The following COMMD5 variants were observed in gnomAD, a reference collection of about 807,000 sequenced individuals.
The protein encoded by COMMD5 is COMM domain containing 5.
A neutral mutation model predicts 6.9 loss-of-function variants in COMMD5; 10 were observed. The observed-to-expected ratio is 1.44, with a 90% CI of 0.89 to 2.45. COMMD5 has a LOEUF of 2.45. Ranked by LOEUF, COMMD5 falls within the 30% of genes most tolerant of loss-of-function variation. The pLI, the probability that COMMD5 is intolerant of heterozygous loss-of-function variation, is 0.00. For missense variants in COMMD5, 234 were observed against 287.8 expected (o/e 0.81, Z 1.35); for synonymous variants, 127 against 125.3 (o/e 1.01, Z -0.09).
downstream of COMMD5, among the ~76,000 whole-genome samples, chr8:144,839,748 T>A (rs1586824884): frequency 1.3e-5 from 2 of 152,196 alleles, no homozygotes; most frequent in South Asian, 4.1e-4. Flanking sequence ...CCAGATATGT[T>A]ACTTGTCCCC....
chr8:144,849,475 C>A (rs116631169), downstream of COMMD5, among the ~76,000 whole-genome samples: 3,863 of 152,134 alleles, frequency 0.025, 166 homozygotes, highest in African/African-American at 0.089. Context: ...GAGGAGACAA[C>A]CCAAAAACTG....
chr8:144,841,424 G>A (rs1026681178), exon 2 of COMMD5: 1 of 1,614,148 alleles, frequency 6.2e-7, no homozygotes, highest in Non-Finnish European at 8.5e-7. Flanking sequence ...GAATCCTATG[G>A]GACAGTGGTC....
upstream of COMMD5, chr8:144,853,071 C>T (rs1184338846): frequency 6.6e-6 from 1 of 152,266 alleles, no homozygotes; most frequent in Admixed American, 6.5e-5. Flanking sequence ...ACTTCCGGGC[C>T]GCTCTAGGAA....
chr8:144,843,462 C>T (rs899770197), intron 1 of COMMD5: 1 of 214,540 alleles, frequency 4.7e-6, no homozygotes, highest in Non-Finnish European at 9.2e-6. Context: ...GTGGCAGGCA[C>T]CTGTGGTCCC....
intron 1 of COMMD5, chr8:144,852,564 C>G (rs1830795123): frequency 6.6e-6 from 1 of 152,400 alleles, no homozygotes; most frequent in Admixed American, 6.5e-5. Context: ...CACGGCGCCC[C>G]ATTCTCCCTG....
chr8:144,847,851 G>T (rs1041250636), downstream of COMMD5, among the ~76,000 whole-genome samples: 2 of 152,198 alleles, frequency 1.3e-5, no homozygotes, highest in Admixed American at 1.3e-4. Flanking sequence ...CTCTGTGCAA[G>T]GCCTTGTGCA....
At position 144,851,373 on chromosome 8, in the gene COMMD5, A is replaced by C. The variant is rs1390456345; in HGVS notation, c.-35T>G. 2 of 1,576,070 alleles carry C rather than the reference A, an allele frequency of 1.3e-6. No individual in the cohort carries two copies. Among genetic ancestry groups the C allele is most frequent in the African/African-American group, 2.7e-5 (2 of 74,204 alleles). ...TTCCTCTTTGATCAGCCAGCCCAGG[A>C]GGTCGGTCCCAGATGCAGATGCCTA... On this transcript the variant is annotated 5_prime_UTR_variant, in exon 2 of 2. Transcript: ENST00000305103.
rs150065620 is a variant in COMMD5 at position 144,850,830 on chromosome 8, C to T, written c.509G>A (p.Arg170His). The change falls in exon 2 of 2, where the codon CGC becomes CAC. Residue 170 changes from arginine (R) to histidine (H), a missense_variant. Physicochemically the swap from Arg to His is conservative, Grantham distance 29 (BLOSUM62 0). Coordinates refer to ENST00000305103, the MANE Select transcript of COMMD5 (RefSeq NM_014066.4). The surrounding 1 kb of genome is among the most constrained non-coding windows in gnomAD (Gnocchi z 4.0). ...DVAISTSALA[R>H]SLQPSVLMQL... is the part of the protein sequence containing the mutation. ...CATCAGGACGCTCGGCTGCAGGGAG[C>T]GAGCCAGGGCACTGGTGGAGATTGC... 62 of 1,613,680 alleles carry T rather than the reference C, an allele frequency of 3.8e-5. No individual in the cohort carries two copies. The highest frequency in any genetic ancestry group is 4.5e-5 in the Non-Finnish European group (53 of 1,180,016).
chr8:144,842,977 C>T lies in COMMD5; in HGVS notation c.*117-1234G>A, dbSNP rs138064022. ...CCTGGAAGGGTCCACCTTTGTGAGC[C>T]GTAAAAAGGTTAATACTATAAAGAA... On this transcript the variant is annotated intron_variant and NMD_transcript_variant, in intron 1 of 1. Transcript: ENST00000530332. 7.6e-5 allele frequency: 122 copies of T among 1,613,948 alleles called. No individual in the cohort carries two copies. Among genetic ancestry groups the T allele is most frequent in the Admixed American group, 1.2e-4 (7 of 59,992 alleles).
At chr8:144,846,566 T>C, downstream of COMMD5, 1 of 189,378 alleles carries the variant, frequency 5.3e-6, no homozygotes, top group Admixed American at 5.3e-5. Flanking sequence ...TTATTTTTCC[T>C]CTCAGCCCTT....
Position 144,850,937 on chromosome 8 carries a change from C to G in COMMD5, c.402G>C (p.Gln134His). 1 of 1,608,194 alleles carries G rather than the reference C, an allele frequency of 6.2e-7. No homozygotes were observed. ...GDLASVVFGS[Q>H]RPLLDSVAQQ... ...GGGCCACAGAATCAAGGAGGGGCCG[C>G]TGGCTCCCAAATACCACGCTGGCCA... is the stretch of plus-strand genomic sequence containing the variant. Residue 134 changes from glutamine to histidine, a missense_variant, in exon 2 of 2, where the codon CAG becomes CAC. Physicochemically the swap from Gln to His is conservative, Grantham distance 24. Transcript: ENST00000305103. The surrounding 1 kb of genome is among the most constrained non-coding windows in gnomAD (Gnocchi z 4.0).
At chr8:144,838,149 T>A, downstream of COMMD5, 3 of 702,982 alleles carry the variant, frequency 4.3e-6, no homozygotes, top group East Asian at 8.0e-5. Context: ...GGCTTGTGGA[T>A]GCGTCCCTCA....
exon 2 of COMMD5, chr8:144,841,172 A>G: frequency 1.5e-6 from 1 of 654,676 alleles, no homozygotes; most frequent in East Asian, 2.6e-5. Flanking sequence ...ACAAGGTAAA[A>G]AGTATGAAAC....
At chr8:144,841,334 C>T (rs765378544) in exon 2 of COMMD5, 1 of 1,586,320 alleles carries the variant, frequency 6.3e-7, no homozygotes, top group Non-Finnish European at 8.6e-7. Context: ...TAAGGAACGT[C>T]TTTGTTCCTG....
chr8:144,842,410 C>T, intron 1 of COMMD5: 1 of 1,614,090 alleles, frequency 6.2e-7, no homozygotes, highest in Non-Finnish European at 8.5e-7. Flanking sequence ...TCAGCTGATT[C>T]ACACTGGAGA....
Position 144,851,377 on chromosome 8 carries a change from C to G in COMMD5, c.-39G>C. On this transcript the variant is annotated 5_prime_UTR_variant, in exon 2 of 2. Coordinates refer to ENST00000305103, the MANE Select transcript of COMMD5 (RefSeq NM_014066.4). ...TCTTTGATCAGCCAGCCCAGGAGGT[C>G]GGTCCCAGATGCAGATGCCTAGAGT... The G allele has an allele frequency of 6.4e-7, 1 of 1,572,636 alleles. No homozygotes were observed. Among genetic ancestry groups the G allele is most frequent in the Non-Finnish European group, 8.6e-7 (1 of 1,156,312 alleles).
downstream of COMMD5, chr8:144,838,261 A>G: frequency 3.2e-6 from 2 of 624,988 alleles, no homozygotes; most frequent in South Asian, 3.6e-5. Flanking sequence ...GTTAGGGGCC[A>G]CCCCAGTGAC....
downstream of COMMD5, chr8:144,846,250 G>C (rs1830506375): frequency 1.4e-6 from 2 of 1,442,408 alleles, no homozygotes; most frequent in Middle Eastern, 1.8e-4. Flanking sequence ...AAAGGGGCTG[G>C]GGTGCAAGCT....
downstream of COMMD5, chr8:144,846,465 TG>T (rs1830516532): frequency 3.1e-6 from 1 of 318,758 alleles, no homozygotes; most frequent in Admixed American, 4.3e-5. Flanking sequence ...ATGGAGCCTC[TG>T]GCGGCTTTCT....
Sources: gnomAD v4.1 joint callset for allele counts (sites outside exome capture counted in the v4.1 genomes callset) on GRCh38, gnomAD v4.1.1 for gene constraint, Gnocchi (gnomAD v3.1) non-coding constraint, MANE v1.5 for transcripts, NCBI Gene and HGNC (gene_info 2026-07-23, HGNC 2026-07-21) for gene names.